Variants in TMOD1 observed in about 807,000 individuals in gnomAD.
TMOD1 encodes tropomodulin-1.
In TMOD1, 17 loss-of-function variants were observed where a neutral mutation model predicts 40.6. The observed-to-expected ratio is 0.42, with a 90% CI of 0.29 to 0.63. The LOEUF (loss-of-function observed/expected upper bound fraction) is 0.63. Ranked by LOEUF, TMOD1 falls within the 20% of genes least tolerant of loss-of-function variation. The pLI is 0.22. For synonymous variants in TMOD1, 181 were observed against 175.0 expected (o/e 1.03, Z -0.27); for missense variants, 391 against 447.6 (o/e 0.87, Z 1.14).
At chr9:97,563,037 G>C (rs1219086450) in intron 5 of TMOD1, among the ~76,000 whole-genome samples, 3 of 152,158 alleles carry the variant, frequency 2.0e-5, no homozygotes, top group South Asian at 4.1e-4. Context: ...AAAAGTTTTA[G>C]AGATTTACTT....
chr9:97,575,954 A>G (rs1488592514), intron 8 of TMOD1, among the ~76,000 whole-genome samples: 3 of 152,070 alleles, frequency 2.0e-5, no homozygotes, highest in African/African-American at 7.2e-5. Flanking sequence ...CTATCTTTCA[A>G]CCTAGCAGTT....
chr9:97,599,920 A>G lies in TMOD1; in HGVS notation c.*222A>G, dbSNP rs997451083. 8 of 1,311,526 alleles carry G rather than the reference A, an allele frequency of 6.1e-6. No homozygotes were observed. Among genetic ancestry groups the G allele is most frequent in the Non-Finnish European group, 7.8e-6 (8 of 1,023,600 alleles). 81.2% of individuals were successfully genotyped at this position (1,311,526 alleles called of 1,614,324 possible). A position where few individuals can be genotyped will look rare whatever the true frequency, so the allele number is the denominator to read the frequency against. ...TTAGTCACAGAAGTTGAATCTGGTT[A>G]TTATTTAAAAACTAGAAGCCCCCAA... is the stretch of plus-strand genomic sequence containing the variant. On this transcript the variant is annotated 3_prime_UTR_variant, in exon 10 of 10. Transcript: ENST00000259365.
At chr9:97,512,078 A>T (rs959377591) in intron 1 of TMOD1, among the ~76,000 whole-genome samples, 1 of 152,180 alleles carries the variant, frequency 6.6e-6, no homozygotes, top group Non-Finnish European at 1.5e-5. Context: ...ACTGTTCTTC[A>T]TATGACACCT....
intron 2 of TMOD1, among the ~76,000 whole-genome samples, chr9:97,539,934 T>A (rs1165021031): frequency 3.9e-5 from 5 of 128,064 alleles, no homozygotes; most frequent in African/African-American, 1.5e-4. Flanking sequence ...ATCATGCCAC[T>A]GCACTCCAGC....
intron 2 of TMOD1, among the ~76,000 whole-genome samples, chr9:97,527,358 C>G (rs545103632): frequency 4.6e-5 from 7 of 152,332 alleles, no homozygotes; most frequent in Non-Finnish European, 1.0e-4. Flanking sequence ...GGGACTCTGC[C>G]TTTCAGGAGC....
chr9:97,547,313 G>A (rs1417347322), intron 3 of TMOD1, among the ~76,000 whole-genome samples: 1 of 151,742 alleles, frequency 6.6e-6, no homozygotes, highest in African/African-American at 2.4e-5. Flanking sequence ...TATGCCTGGA[G>A]TGCTGGTCCT....
At chr9:97,594,376 C>T (rs974529473) in intron 9 of TMOD1, among the ~76,000 whole-genome samples, 5 of 152,262 alleles carry the variant, frequency 3.3e-5, no homozygotes, top group African/African-American at 9.6e-5. Context: ...TTGCATCCTA[C>T]ATTAATGCCG....
intron 3 of TMOD1, among the ~76,000 whole-genome samples, chr9:97,548,922 G>A (rs1448251090): frequency 6.6e-6 from 1 of 152,168 alleles, no homozygotes; most frequent in African/African-American, 2.4e-5. Context: ...CAGGCTCAGG[G>A]CCATTCACTC....
rs144012982 is a variant in TMOD1 at position 97,569,004 on chromosome 9, C to T, written c.837C>T (p.Asn279=). The T allele has an allele frequency of 1.8e-4, 295 of 1,614,182 alleles. No homozygotes were observed. Among genetic ancestry groups the T allele is most frequent in the Non-Finnish European group, 2.4e-4 (284 of 1,180,030 alleles). The change falls in exon 8 of 10, where the codon AAC becomes AAT. Residue 279 remains asparagine, a synonymous_variant. Coordinates refer to ENST00000259365, the MANE Select transcript of TMOD1 (RefSeq NM_003275.4). ...GCCTGGTAGAAGCCCTCCCATACAA[C>T]ACTTCTCTGGTGGAAATGAAAATTG... ...ILRLVEALPY[N]TSLVEMKIDN...
At chr9:97,523,740 C>T (rs1829953706) in intron 1 of TMOD1, among the ~76,000 whole-genome samples, 1 of 152,096 alleles carries the variant, frequency 6.6e-6, no homozygotes, top group South Asian at 2.1e-4. Context: ...TACTCCCCTG[C>T]CCCTTTTAAA....
At chr9:97,597,461 A>G (rs113698648) in intron 9 of TMOD1, among the ~76,000 whole-genome samples, 17,959 of 151,234 alleles carry the variant, frequency 0.12, 3,011 homozygotes, top group African/African-American at 0.37. Flanking sequence ...CACTTTGGGA[A>G]GCCGAGGCAG....
intron 1 of TMOD1, among the ~76,000 whole-genome samples, chr9:97,514,275 CT>C (rs71369513): frequency 0.23 from 28,345 of 121,678 alleles, 2,737 homozygotes; most frequent in African/African-American, 0.27. Flanking sequence ...TTTTCTTTTT[CT>C]TTTTTTTTTT....
At chr9:97,534,217 G>A (rs936737409) in intron 2 of TMOD1, among the ~76,000 whole-genome samples, 1 of 152,190 alleles carries the variant, frequency 6.6e-6, no homozygotes, top group African/African-American at 2.4e-5. Context: ...CAACTAAAAA[G>A]TGGAGGCTTT....
chr9:97,519,367 G>A lies in TMOD1; in HGVS notation c.-48-4774G>A, dbSNP rs79621422. 2.3e-3 allele frequency among the ~76,000 whole-genome samples: 357 copies of A among 152,192 alleles called. 2 individuals carry two copies. The highest frequency in any genetic ancestry group is 1.7e-3 in the Non-Finnish European group (117 of 68,000). ...CTTAAGGCTTCTGCCACAGAGAAGC[G>A]GGGTGGCCGGATATGCTGTAAGTGT... On this transcript the variant is annotated intron_variant, in intron 1 of 9. Coordinates refer to ENST00000259365, the MANE Select transcript of TMOD1 (RefSeq NM_003275.4).
intron 4 of TMOD1, among the ~76,000 whole-genome samples, chr9:97,560,756 C>G (rs183050542): frequency 6.6e-6 from 1 of 151,018 alleles, no homozygotes; most frequent in Non-Finnish European, 1.5e-5. Flanking sequence ...CCCAGCTACT[C>G]GGGAGGCTGA....
intron 1 of TMOD1, among the ~76,000 whole-genome samples, chr9:97,509,033 G>T (rs1481789432): frequency 6.6e-6 from 1 of 152,206 alleles, no homozygotes; most frequent in Non-Finnish European, 1.5e-5. Flanking sequence ...GGGATGGCCA[G>T]CAGACACCAG....
chr9:97,515,730 A>G lies in TMOD1; in HGVS notation c.-48-8411A>G, dbSNP rs564761671. Among the ~76,000 whole-genome samples, 275 of 152,204 alleles carry G rather than the reference A, an allele frequency of 1.8e-3. 1 individual carries two copies. Among genetic ancestry groups the G allele is most frequent in the African/African-American group, 6.4e-3 (264 of 41,528 alleles). ...GAGTGAGAAGCCTCAGCTATTTTAC[A>G]CAGGGGATCCTTAGGGGAAGCAGGA... On this transcript the variant is annotated intron_variant, in intron 1 of 9. Coordinates refer to ENST00000259365, the MANE Select transcript of TMOD1 (RefSeq NM_003275.4).
intron 1 of TMOD1, chr9:97,516,900 G>GAT (rs1201132781): frequency 6.6e-6 from 1 of 152,202 alleles, no homozygotes; most frequent in East Asian, 1.9e-4. Context: ...TCTGGAGAGG[G>GAT]ATAGTAGTGA....
At chr9:97,511,085 G>GACAC (rs57982813) in intron 1 of TMOD1, among the ~76,000 whole-genome samples, 25 of 144,412 alleles carry the variant, frequency 1.7e-4, no homozygotes, top group Non-Finnish European at 2.5e-4. Flanking sequence ...CACACACACA[G>GACAC]ACACACACAC....
Sources: allele counts gnomAD v4.1 joint callset (sites outside exome capture counted in the v4.1 genomes callset), GRCh38; gene constraint gnomAD v4.1.1; transcripts MANE v1.5; gene names NCBI Gene and HGNC (gene_info 2026-07-23, HGNC 2026-07-21).